Variants in RGS7 observed in about 807,000 individuals in gnomAD.
The protein encoded by RGS7 is regulator of G-protein signaling 7.
Under a neutral mutation model 81.1 loss-of-function variants are expected in RGS7, and 27 were observed. The observed-to-expected ratio is 0.33, with a 90% CI of 0.25 to 0.46. RGS7 has a LOEUF of 0.46. Ranked by LOEUF, RGS7 falls within the 20% of genes least tolerant of loss-of-function variation. RGS7 has a pLI of 1.00. For synonymous variants in RGS7, 208 were observed against 207.7 expected (o/e 1.00, Z -0.01); for missense variants, 396 against 607.4 (o/e 0.65, Z 3.66).
chr1:241,230,677 T>C (rs1169428842), intron 2 of RGS7, among the ~76,000 whole-genome samples: 5 of 151,210 alleles, frequency 3.3e-5, no homozygotes, highest in South Asian at 2.1e-4. Flanking sequence ...TTAAGTACAA[T>C]GACGCAGGGA....
chr1:240,837,097 G>C (rs1212421444), intron 9 of RGS7, among the ~76,000 whole-genome samples: 1 of 152,206 alleles, frequency 6.6e-6, no homozygotes, highest in African/African-American at 2.4e-5. Flanking sequence ...GATTACCCAT[G>C]TTTAATGTTC....
chr1:240,874,965 C>G (rs1224541119), intron 6 of RGS7, among the ~76,000 whole-genome samples: 4 of 151,966 alleles, frequency 2.6e-5, no homozygotes, highest in African/African-American at 7.3e-5. Context: ...TTGCTTGAAC[C>G]CGGGAGGCGG....
intron 2 of RGS7, among the ~76,000 whole-genome samples, chr1:241,252,151 C>A (rs532033928): frequency 6.6e-5 from 10 of 151,716 alleles, no homozygotes; most frequent in African/African-American, 1.9e-4. Context: ...TCAAGCAATT[C>A]TCCTGCCTCA....
At chr1:240,882,128 C>G (rs111255311) in intron 6 of RGS7, among the ~76,000 whole-genome samples, 3 of 151,930 alleles carry the variant, frequency 2.0e-5, no homozygotes, top group Admixed American at 2.0e-4. Context: ...TTGGCCAGGC[C>G]GGTCTTGAAC....
chr1:241,296,411 G>A (rs181420371), intron 2 of RGS7, among the ~76,000 whole-genome samples: 6 of 152,262 alleles, frequency 3.9e-5, no homozygotes, highest in Admixed American at 6.5e-5. Context: ...CTGACAAGTC[G>A]CTACTGGAAA....
chr1:240,916,138 C>A (rs207461323), intron 6 of RGS7, among the ~76,000 whole-genome samples: 8 of 144,496 alleles, frequency 5.5e-5, no homozygotes, highest in Non-Finnish European at 9.0e-5. Flanking sequence ...AAAATTAGCA[C>A]ATGGTGGCTC....
At chr1:240,946,011 T>C (rs1020125520) in intron 4 of RGS7, among the ~76,000 whole-genome samples, 4 of 152,310 alleles carry the variant, frequency 2.6e-5, no homozygotes, top group South Asian at 2.1e-4. Flanking sequence ...AAACTAGATA[T>C]GGGTAAATTT....
intron 3 of RGS7, among the ~76,000 whole-genome samples, chr1:241,068,852 T>G (rs2062252998): frequency 6.6e-6 from 1 of 152,256 alleles, no homozygotes; most frequent in East Asian, 1.9e-4. Context: ...GACCGGATCA[T>G]GAGGGTGGAT....
intron 2 of RGS7, among the ~76,000 whole-genome samples, chr1:241,143,629 T>A (rs896431260): frequency 6.6e-6 from 1 of 152,078 alleles, no homozygotes; most frequent in Non-Finnish European, 1.5e-5. Flanking sequence ...GAATTCAAGA[T>A]GAGATCTGGG....
At chr1:241,010,756 C>T (rs944261013) in intron 3 of RGS7, among the ~76,000 whole-genome samples, 2 of 152,106 alleles carry the variant, frequency 1.3e-5, no homozygotes, top group Admixed American at 1.3e-4. Flanking sequence ...TCCTGCTGAT[C>T]CTATCAATGG....
intron 9 of RGS7, among the ~76,000 whole-genome samples, chr1:240,859,440 G>GTTTTTTTTTTTTTTTTTTTTTTTTTTCT (rs5782167): frequency 4.5e-5 from 5 of 110,826 alleles, no homozygotes; most frequent in East Asian, 2.7e-4. Context: ...TTTCTTTCCT[G>GTTTTTTTTTTTTTTTTTTTTTTTTTTCT]TTTTTTTTTT....
intron 2 of RGS7, among the ~76,000 whole-genome samples, chr1:241,139,460 A>G (rs991268291): frequency 3.3e-5 from 5 of 152,178 alleles, no homozygotes; most frequent in African/African-American, 1.2e-4. Context: ...GCCAACATTA[A>G]TGTGCTATTC....
intron 18 of RGS7, among the ~76,000 whole-genome samples, chr1:240,781,478 T>G (rs1436747224): frequency 2.0e-5 from 3 of 152,080 alleles, no homozygotes; most frequent in Non-Finnish European, 4.4e-5. Flanking sequence ...TGGTGGCAGG[T>G]GCCTGCAATC....
chr1:241,302,883 T>TTTC (rs2079858085), intron 2 of RGS7, among the ~76,000 whole-genome samples: 1 of 152,076 alleles, frequency 6.6e-6, no homozygotes, highest in Non-Finnish European at 1.5e-5. Flanking sequence ...TCTTTCTTTC[T>TTTC]TTCTTTTTTA....
intron 11 of RGS7, among the ~76,000 whole-genome samples, chr1:240,815,205 G>A (rs1690601584): frequency 6.6e-6 from 1 of 152,038 alleles, no homozygotes; most frequent in African/African-American, 2.4e-5. Flanking sequence ...GCCAGGTGTA[G>A]TGGTGCAGGT....
At chr1:241,285,980 C>A (rs2078786060) in intron 2 of RGS7, among the ~76,000 whole-genome samples, 1 of 152,210 alleles carries the variant, frequency 6.6e-6, no homozygotes, top group Admixed American at 6.5e-5. Flanking sequence ...ATAATAACCT[C>A]AAAATGAGAG....
chr1:240,834,546 C>T (rs1694359211), intron 9 of RGS7, among the ~76,000 whole-genome samples: 2 of 152,024 alleles, frequency 1.3e-5, no homozygotes, highest in African/African-American at 2.4e-5. Context: ...AGTCTCGCTC[C>T]ACCGCCCAGA....
chr1:240,849,033 C>T (rs1345465361), intron 9 of RGS7, among the ~76,000 whole-genome samples: 1 of 152,056 alleles, frequency 6.6e-6, no homozygotes, highest in Non-Finnish European at 1.5e-5. Context: ...GTAAGGAACT[C>T]ATCATCCATT....
At chr1:240,834,592 G>C (rs1299572987) in intron 9 of RGS7, among the ~76,000 whole-genome samples, 1 of 152,064 alleles carries the variant, frequency 6.6e-6, no homozygotes, top group Non-Finnish European at 1.5e-5. Flanking sequence ...CTCACTGCAA[G>C]CTCCGCCTCC....
Sources: gnomAD v4.1 joint callset for allele counts (sites outside exome capture counted in the v4.1 genomes callset) on GRCh38, gnomAD v4.1.1 for gene constraint, MANE v1.5 for transcripts, NCBI Gene and HGNC (gene_info 2026-07-23, HGNC 2026-07-21) for gene names.